Variants in AP3B1 observed in about 807,000 individuals in gnomAD.
AP3B1 encodes adaptor related protein complex 3 subunit beta 1.
A neutral mutation model predicts 132.5 loss-of-function variants in AP3B1; 61 were observed. The observed-to-expected ratio is 0.46, with a 90% CI of 0.37 to 0.57. AP3B1 has a LOEUF of 0.57. Among genes scored for constraint, AP3B1 ranks in the 20% least tolerant of loss-of-function variants. The pLI is 0.00. For synonymous variants in AP3B1, 388 were observed against 438.3 expected, an observed-to-expected ratio of 0.89 and a Z score of 1.43; for missense variants, 1,120 against 1,289.4, an observed-to-expected ratio of 0.87 and a Z score of 2.01.
chr5:78,279,882 G>A (rs1199877501), intron 1 of AP3B1, among the ~76,000 whole-genome samples: 15 of 137,120 alleles, frequency 1.1e-4, no homozygotes, highest in African/African-American at 4.1e-4. Context: ...ATATATATAT[G>A]ACTTAAATAT....
chr5:78,048,333 C>A (rs530965448), intron 22 of AP3B1, among the ~76,000 whole-genome samples: 1 of 152,252 alleles, frequency 6.6e-6, no homozygotes, highest in African/African-American at 2.4e-5. Flanking sequence ...GGAAGCTTTG[C>A]CCCCAATGCT....
intron 13 of AP3B1, among the ~76,000 whole-genome samples, chr5:78,159,356 CAT>C (rs1290470254): frequency 1.3e-5 from 2 of 152,152 alleles, no homozygotes; most frequent in East Asian, 1.9e-4. Flanking sequence ...TTACTAAAAA[CAT>C]AGTGGCTTAA....
chr5:78,110,015 G>A (rs190127373), intron 20 of AP3B1, among the ~76,000 whole-genome samples, 192 bp downstream of exon 20: 69 of 152,196 alleles, frequency 4.5e-4, no homozygotes, highest in African/African-American at 1.6e-3. Context: ...GGTCATATGC[G>A]TAAGAGTTCC....
chr5:78,065,779 C>T (rs546346287), intron 22 of AP3B1, among the ~76,000 whole-genome samples: 1 of 152,270 alleles, frequency 6.6e-6, no homozygotes, highest in Non-Finnish European at 1.5e-5. Context: ...GTGGGATTCC[C>T]GCCCCCGCAC....
Position 78,116,174 on chromosome 5 carries a change from A to G in AP3B1, c.2029T>C (p.Ser677Pro). The G allele has an allele frequency of 6.2e-7, 1 of 1,613,910 alleles. No homozygotes were observed. Among genetic ancestry groups the G allele is most frequent in the Non-Finnish European group, 8.5e-7 (1 of 1,179,886 alleles). The change falls in exon 18 of 27, where the codon TCT (serine) becomes CCT (proline). Residue 677 changes from serine to proline, a missense_variant. Ser to Pro is a moderately conservative substitution (Grantham distance 74, BLOSUM62 -1). Coordinates refer to ENST00000255194, the MANE Select transcript of AP3B1 (RefSeq NM_003664.5). ...GAGTCCTCCTCTTCCTCAGATTCAGAATAAAACTTCTTAGCAGAATTCTCT... is the reference window on the plus strand; with the variant it reads ...GAGTCCTCCTCTTCCTCAGATTCAGGATAAAACTTCTTAGCAGAATTCTCT... ...KQENSAKKFY[S>P]ESEEEEDSSD...
rs770382252 is a variant in AP3B1 at position 78,175,684 on chromosome 5, G to T, written c.1109C>A (p.Pro370His). 1 of 1,613,178 alleles carries T rather than the reference G, an allele frequency of 6.2e-7. No homozygotes were observed. Among genetic ancestry groups the T allele is most frequent in the Non-Finnish European group, 8.5e-7 (1 of 1,179,408 alleles). ...CCTAACATAGAAACTCTTCAGATAAGGTTCAAACATCCCCTGGATTACAAA... is the reference window on the plus strand; with the variant it reads ...CCTAACATAGAAACTCTTCAGATAATGTTCAAACATCCCCTGGATTACAAA... ...MSIQRKGMFE[P>H]YLKSFYVRST... is the part of the protein sequence containing the mutation. The change falls in exon 11 of 27, where the codon CCT becomes CAT. Residue 370 changes from proline (P) to histidine (H), a missense_variant. Transcript: ENST00000255194.
chr5:78,223,387 A>C (rs1009441644), intron 6 of AP3B1, among the ~76,000 whole-genome samples: 2 of 152,200 alleles, frequency 1.3e-5, no homozygotes, highest in Non-Finnish European at 2.9e-5. Flanking sequence ...CAAAGCCCCC[A>C]AAGAATCTAC....
intron 6 of AP3B1, among the ~76,000 whole-genome samples, chr5:78,221,815 C>T (rs4552570): frequency 6.6e-6 from 1 of 151,722 alleles, no homozygotes; most frequent in South Asian, 2.1e-4. Context: ...AATTCTGAAT[C>T]TACATTTTGA....
intron 15 of AP3B1, among the ~76,000 whole-genome samples, chr5:78,134,539 T>TTCTG (rs1385013336): frequency 1.3e-5 from 2 of 152,180 alleles, no homozygotes; most frequent in East Asian, 3.9e-4. Flanking sequence ...ATTAGTTTCT[T>TTCTG]TCTTTCTTTC....
chr5:78,245,714 A>T (rs1241622763), intron 2 of AP3B1, among the ~76,000 whole-genome samples: 2 of 152,158 alleles, frequency 1.3e-5, no homozygotes, highest in Non-Finnish European at 2.9e-5. Context: ...TGCTTTAGGT[A>T]AAAACCCTGT....
chr5:78,073,712 T>C (rs909272367), intron 22 of AP3B1, among the ~76,000 whole-genome samples: 3 of 152,120 alleles, frequency 2.0e-5, no homozygotes, highest in African/African-American at 2.4e-5. Context: ...TCATCTTATT[T>C]CCTACTGTGG....
At chr5:78,039,885 G>A (rs75914465) in intron 22 of AP3B1, among the ~76,000 whole-genome samples, 11,924 of 148,458 alleles carry the variant, frequency 0.08, 649 homozygotes, top group Non-Finnish European at 0.12. Context: ...TTTGCTGGGG[G>A]GCAGGGATTT....
intron 24 of AP3B1, among the ~76,000 whole-genome samples, chr5:78,024,655 C>T (rs1162405530): frequency 6.6e-6 from 1 of 150,706 alleles, no homozygotes; most frequent in Non-Finnish European, 1.5e-5. Context: ...ACCTCCACCT[C>T]TTGGGTTCAA....
chr5:78,239,871 T>C (rs1334144632), intron 3 of AP3B1, among the ~76,000 whole-genome samples: 2 of 152,112 alleles, frequency 1.3e-5, no homozygotes, highest in African/African-American at 4.8e-5. Flanking sequence ...TTAAGTAATA[T>C]TTAAAGAACA....
At chr5:78,232,454 G>A (rs1053146494) in intron 3 of AP3B1, among the ~76,000 whole-genome samples, 6 of 152,118 alleles carry the variant, frequency 3.9e-5, no homozygotes, top group Non-Finnish European at 5.9e-5. Context: ...ACATGACCAT[G>A]CATCTACAGA....
chr5:78,221,614 T>C (rs988517092), intron 6 of AP3B1, among the ~76,000 whole-genome samples: 3 of 150,184 alleles, frequency 2.0e-5, no homozygotes, highest in African/African-American at 4.9e-5. Flanking sequence ...TAAAGAAAGG[T>C]AGAAAAAGAA....
chr5:78,147,089 G>A (rs1753435907), intron 14 of AP3B1, among the ~76,000 whole-genome samples: 1 of 151,920 alleles, frequency 6.6e-6, no homozygotes, highest in South Asian at 2.1e-4. Flanking sequence ...TATCTAATAT[G>A]AGAGAAATAC....
intron 26 of AP3B1, 135 bp downstream of exon 26, chr5:78,015,275 G>GA (rs1344355018): frequency 1.1e-4 from 104 of 941,358 alleles, no homozygotes; most frequent in East Asian, 1.4e-4. Flanking sequence ...TATACCATCA[G>GA]AAAAAAAAGG....
rs771858500 is a variant in AP3B1 at position 78,278,625 on chromosome 5, AGGGG to A, written c.129-11034_129-11031del. ...AAAAAAAAAAAAAAAAAAAAAAAAA[AGGGG>A]GGGGGGGACTAATTAATTATGAGGA... On this transcript the variant is annotated intron_variant, in intron 1 of 26. Transcript: ENST00000255194. Among the ~76,000 whole-genome samples the A allele has an allele frequency of 2.0e-3, 103 of 52,262 alleles. 12 individuals are homozygous for A. Among genetic ancestry groups the A allele is most frequent in the African/African-American group, 6.2e-3 (102 of 16,446 alleles). 34.3% of individuals were successfully genotyped at this position (52,262 alleles called of 152,430 possible). A position where few individuals can be genotyped will look rare whatever the true frequency, so the allele number is the denominator to read the frequency against.
Sources: allele counts gnomAD v4.1 joint callset (sites outside exome capture counted in the v4.1 genomes callset), GRCh38; gene constraint gnomAD v4.1.1; transcripts MANE v1.5; gene names NCBI Gene and HGNC (gene_info 2026-07-23, HGNC 2026-07-21).